GRM5: variants seen among roughly 807,000 people sequenced by gnomAD.
The protein encoded by GRM5 is metabotropic glutamate receptor 5.
In GRM5, 19 loss-of-function variants were observed where a neutral mutation model predicts 83.1. That is an observed-to-expected ratio of 0.23 (90% CI 0.16 to 0.34). GRM5 has a LOEUF of 0.34. Among genes scored for constraint, GRM5 ranks in the 10% least tolerant of loss-of-function variants. The probability of loss-of-function intolerance (pLI) is 1.00; values close to 1 mark genes in which losing one functional copy is unlikely to be tolerated. For missense variants in GRM5, 1,160 were observed against 1,588.3 expected, an observed-to-expected ratio of 0.73 and a Z score of 4.58; for synonymous variants, 675 against 633.6, an observed-to-expected ratio of 1.07 and a Z score of -0.98.
chr11:88,757,609 C>T (rs971969534), intron 3 of GRM5, among the ~76,000 whole-genome samples: 3 of 152,072 alleles, frequency 2.0e-5, no homozygotes, highest in Non-Finnish European at 4.4e-5. Flanking sequence ...GCTAACACCA[C>T]CACCAGTGGA....
At chr11:88,784,622 T>G (rs570201714) in intron 3 of GRM5, among the ~76,000 whole-genome samples, 1 of 152,178 alleles carries the variant, frequency 6.6e-6, no homozygotes, top group East Asian at 1.9e-4. Context: ...CGGTGTATTC[T>G]ATCCCTTCCC....
chr11:88,740,932 A>G (rs79576140), intron 3 of GRM5, among the ~76,000 whole-genome samples: 4,948 of 152,150 alleles, frequency 0.033, 119 homozygotes, highest in Non-Finnish European at 0.05. Context: ...ATATACCAGA[A>G]TACGGTCCCA....
intron 3 of GRM5, among the ~76,000 whole-genome samples, chr11:88,743,356 G>A (rs1942067684): frequency 6.6e-6 from 1 of 152,156 alleles, no homozygotes; most frequent in African/African-American, 2.4e-5. Context: ...AAGATTCTAG[G>A]GGGAAGGGGA....
intron 3 of GRM5, among the ~76,000 whole-genome samples, chr11:88,717,811 G>A (rs11021053): frequency 0.22 from 32,956 of 151,466 alleles, 3,766 homozygotes; most frequent in Middle Eastern, 0.28. Flanking sequence ...TGAATTATAT[G>A]TGTACTCTTG....
intron 3 of GRM5, among the ~76,000 whole-genome samples, chr11:88,736,551 T>C (rs878907414): frequency 3.3e-5 from 5 of 152,020 alleles, no homozygotes; most frequent in Admixed American, 2.6e-4. Context: ...TCTTATTACA[T>C]AGTAGAGTTA....
intron 2 of GRM5, among the ~76,000 whole-genome samples, chr11:89,018,079 T>TG (rs1565337493): frequency 6.6e-6 from 1 of 152,158 alleles, no homozygotes; most frequent in Non-Finnish European, 1.5e-5. Context: ...GTTTGTTGCA[T>TG]GGATGAAATT....
At chr11:88,936,184 T>C (rs591849) in intron 2 of GRM5, among the ~76,000 whole-genome samples, 79,970 of 151,548 alleles carry the variant, frequency 0.53, 21,859 homozygotes, top group South Asian at 0.67. Context: ...ATCAAGATAA[T>C]TAAATTCCCT....
chr11:88,839,172 C>T (rs964905611), intron 3 of GRM5, among the ~76,000 whole-genome samples: 2 of 151,962 alleles, frequency 1.3e-5, no homozygotes, highest in African/African-American at 4.8e-5. Context: ...CAAAATTAAC[C>T]AATTAAATAA....
At chr11:88,528,778 G>C (rs1384107181) in intron 8 of GRM5, among the ~76,000 whole-genome samples, 6 of 152,012 alleles carry the variant, frequency 3.9e-5, no homozygotes, top group African/African-American at 1.4e-4. Context: ...ATGCCAGGCT[G>C]TTTGCTGTAC....
chr11:88,944,304 C>G (rs546837767), intron 2 of GRM5, among the ~76,000 whole-genome samples: 6 of 152,012 alleles, frequency 3.9e-5, no homozygotes, highest in Non-Finnish European at 8.8e-5. Flanking sequence ...AAGAGAGAAA[C>G]ATAATGGAGC....
Position 88,801,734 on chromosome 11 carries a change from A to G in GRM5, c.911+48172T>C, listed in dbSNP as rs151186872. On this transcript the variant is annotated intron_variant, in intron 3 of 9. Transcript: ENST00000305447. Reference sequence around the variant, plus strand: ...ACTTGACTTCTTTCACAGAGATAGTAAGTATAGTCAAATGAAAGGCACATT... The same window carrying G: ...ACTTGACTTCTTTCACAGAGATAGTGAGTATAGTCAAATGAAAGGCACATT... Among the ~76,000 whole-genome samples, 873 of 152,250 alleles carry G rather than the reference A, an allele frequency of 5.7e-3. 18 individuals are homozygous for G. In the East Asian group the frequency reaches 0.072, roughly 13 times the overall value.
intron 8 of GRM5, among the ~76,000 whole-genome samples, chr11:88,550,560 C>T (rs1942484537): frequency 6.6e-6 from 1 of 152,070 alleles, no homozygotes; most frequent in Non-Finnish European, 1.5e-5. Context: ...GCTTTCATGA[C>T]CAAACCATAT....
chr11:88,984,331 CTT>C (rs1166431015), intron 2 of GRM5, among the ~76,000 whole-genome samples: 2 of 152,078 alleles, frequency 1.3e-5, no homozygotes, highest in East Asian at 3.9e-4. Flanking sequence ...TATGTAAACA[CTT>C]ATCATTTTGT....
intron 2 of GRM5, among the ~76,000 whole-genome samples, chr11:89,039,608 A>G (rs1348908934): frequency 6.6e-6 from 1 of 152,250 alleles, no homozygotes; most frequent in African/African-American, 2.4e-5. Context: ...GTCTCTGTCA[A>G]CTGCTGGCCA....
In GRM5 at chr11:88,724,384, C is replaced by T. The variant is rs537788755; in HGVS notation, c.912-70981G>A. Reference sequence around the variant, plus strand: ...ACTGTGTCCTAAAGTTACTTGCTTCCCAATACTCCATATACTTACTCCTAA... The same window carrying T: ...ACTGTGTCCTAAAGTTACTTGCTTCTCAATACTCCATATACTTACTCCTAA... On this transcript the variant is annotated intron_variant, in intron 3 of 9. Transcript: ENST00000305447. Among the ~76,000 whole-genome samples the T allele has an allele frequency of 9.4e-4, 129 of 137,328 alleles. No individual in the cohort carries two copies. In the Middle Eastern group the frequency reaches 0.018, roughly 19 times the overall value. The allele number at this position is 137,328 out of a possible 152,430, so 90.1% of individuals were successfully genotyped here. A position where few individuals can be genotyped will look rare whatever the true frequency, so the allele number is the denominator to read the frequency against.
intron 3 of GRM5, among the ~76,000 whole-genome samples, chr11:88,676,906 A>G (rs1237377278): frequency 6.6e-6 from 1 of 152,098 alleles, no homozygotes; most frequent in African/African-American, 2.4e-5. Flanking sequence ...TGTTGAAATA[A>G]CTCGGTAATT....
At chr11:88,850,619 T>C (rs1944373646) in intron 2 of GRM5, among the ~76,000 whole-genome samples, 1 of 149,264 alleles carries the variant, frequency 6.7e-6, no homozygotes. Flanking sequence ...ATAAATATTT[T>C]ATAAAGTATT....
intron 2 of GRM5, among the ~76,000 whole-genome samples, chr11:88,877,703 G>A (rs948131025): frequency 2.0e-5 from 3 of 151,858 alleles, no homozygotes; most frequent in Non-Finnish European, 4.4e-5. Flanking sequence ...CATGCCTGTA[G>A]TCTCAGCTAC....
At chr11:88,513,990 T>C (rs2135084023) in intron 9 of GRM5, among the ~76,000 whole-genome samples, 1 of 152,076 alleles carries the variant, frequency 6.6e-6, no homozygotes, top group South Asian at 2.1e-4. Flanking sequence ...GTAAGAAAAA[T>C]GAAAGGGAAC....
Sources: gnomAD v4.1 joint callset for allele counts (sites outside exome capture counted in the v4.1 genomes callset) on GRCh38, gnomAD v4.1.1 for gene constraint, MANE v1.5 for transcripts, NCBI Gene and HGNC (gene_info 2026-07-23, HGNC 2026-07-21) for gene names.